Variants in AHCYL2 observed in about 807,000 individuals in gnomAD.
The protein encoded by AHCYL2 is adenosylhomocysteinase like 2, also known as S-adenosylhomocysteine hydrolase-like protein 2.
A neutral mutation model predicts 81.4 loss-of-function variants in AHCYL2; 28 were observed. The ratio of observed to expected loss-of-function variants is 0.34; its 90% CI spans 0.25 to 0.47. The LOEUF is 0.47. Among genes scored for constraint, AHCYL2 ranks in the 20% least tolerant of loss-of-function variants. AHCYL2 has a pLI of 1.00. For missense variants in AHCYL2, 551 were observed against 785.1 expected (o/e 0.70, Z 3.56); for synonymous variants, 272 against 290.2 (o/e 0.94, Z 0.64).
intron 1 of AHCYL2, among the ~76,000 whole-genome samples, chr7:129,327,836 C>T (rs987854006): frequency 3.3e-5 from 5 of 152,094 alleles, no homozygotes; most frequent in African/African-American, 1.2e-4. Flanking sequence ...CTCTGTCACC[C>T]AGGCTGTAGT....
At chr7:129,401,772 G>T (rs148763950) in intron 6 of AHCYL2, among the ~76,000 whole-genome samples, 11 of 152,324 alleles carry the variant, frequency 7.2e-5, no homozygotes, top group South Asian at 2.1e-4. Flanking sequence ...GGAACCCAGG[G>T]AGGACATTAG....
At chr7:129,398,348 AATTTTTATTTTTT>A (rs1236506679) in intron 5 of AHCYL2, among the ~76,000 whole-genome samples, 3 of 147,770 alleles carry the variant, frequency 2.0e-5, no homozygotes, top group Admixed American at 6.7e-5. Context: ...AATTTAATTT[AATTTTTATTTTTT>A]ATTTTTATTT....
chr7:129,330,616 G>A (rs774595259), intron 1 of AHCYL2, among the ~76,000 whole-genome samples: 2 of 152,048 alleles, frequency 1.3e-5, no homozygotes, highest in East Asian at 1.9e-4. Context: ...GACTACAGGC[G>A]CCCACCACCA....
At chr7:129,376,209 G>A (rs1794680940) in intron 1 of AHCYL2, among the ~76,000 whole-genome samples, 1 of 152,098 alleles carries the variant, frequency 6.6e-6, no homozygotes, top group Non-Finnish European at 1.5e-5. Flanking sequence ...CCACAATTGG[G>A]GTGGGCAGAT....
chr7:129,265,774 C>T (rs534346629), intron 1 of AHCYL2, among the ~76,000 whole-genome samples: 2 of 152,226 alleles, frequency 1.3e-5, no homozygotes, highest in African/African-American at 4.8e-5. Context: ...TTGAAAAGAT[C>T]GCTCTGGCTG....
intron 12 of AHCYL2, among the ~76,000 whole-genome samples, chr7:129,422,236 T>G (rs1797149792): frequency 1.3e-5 from 2 of 152,230 alleles, no homozygotes; most frequent in African/African-American, 4.8e-5. Flanking sequence ...TACCTCACAT[T>G]TGCACTTAGG....
intron 1 of AHCYL2, among the ~76,000 whole-genome samples, chr7:129,245,977 A>G (rs765374920): frequency 5.3e-5 from 8 of 152,196 alleles, no homozygotes; most frequent in Non-Finnish European, 8.8e-5. Context: ...ATCAGTGTAC[A>G]AGGATTCTAA....
chr7:129,230,116 G>A (rs894127177), intron 1 of AHCYL2, among the ~76,000 whole-genome samples: 37 of 120,920 alleles, frequency 3.1e-4, no homozygotes, highest in African/African-American at 1.1e-3. Context: ...ACCAAGTCTC[G>A]CTCTGTCACC....
At chr7:129,389,771 T>G in intron 4 of AHCYL2, 37 bp downstream of exon 4, 1 of 1,549,386 alleles carries the variant, frequency 6.5e-7, no homozygotes, top group Non-Finnish European at 8.8e-7. Flanking sequence ...ATTACAATAG[T>G]TAATAATAGC....
At chr7:129,279,180 G>A (rs866784104) in intron 1 of AHCYL2, among the ~76,000 whole-genome samples, 2 of 151,738 alleles carry the variant, frequency 1.3e-5, no homozygotes, top group Admixed American at 6.6e-5. Flanking sequence ...GAATCTTTTG[G>A]CCATGAATGG....
At chr7:129,425,764 T>G (rs1009820041) in intron 15 of AHCYL2, among the ~76,000 whole-genome samples, 2 of 152,246 alleles carry the variant, frequency 1.3e-5, no homozygotes, top group Non-Finnish European at 2.9e-5. Flanking sequence ...TTGTTTTGCC[T>G]TAGCACTAGG....
intron 1 of AHCYL2, chr7:129,375,958 C>A (rs145067276): frequency 0.01 from 15,464 of 1,535,832 alleles, 93 homozygotes; most frequent in Non-Finnish European, 0.011. Context: ...CCAGTCTTGC[C>A]GCTGCTATAG....
intron 1 of AHCYL2, among the ~76,000 whole-genome samples, chr7:129,242,329 C>CT (rs768756801): frequency 0.015 from 2,157 of 141,962 alleles, 52 homozygotes; most frequent in African/African-American, 0.045. Flanking sequence ...CAAGCCTGGC[C>CT]TTTTTTTTTT....
At chr7:129,321,929 C>T (rs1449037126) in intron 1 of AHCYL2, among the ~76,000 whole-genome samples, 1 of 151,802 alleles carries the variant, frequency 6.6e-6, no homozygotes, top group African/African-American at 2.4e-5. Flanking sequence ...GCACATGCCA[C>T]CATGCCCACC....
intron 5 of AHCYL2, among the ~76,000 whole-genome samples, chr7:129,398,721 A>G (rs151199523): frequency 2.0e-5 from 3 of 152,136 alleles, no homozygotes; most frequent in Non-Finnish European, 4.4e-5. Context: ...GACCTACGCT[A>G]AGAGCTGTAA....
chr7:129,277,202 TG>T (rs540403819), intron 1 of AHCYL2, among the ~76,000 whole-genome samples: 89 of 152,142 alleles, frequency 5.8e-4, no homozygotes, highest in African/African-American at 2.0e-3. Context: ...TGGAAAGTTT[TG>T]ACACATGTCT....
At chr7:129,308,656 C>G (rs1304578230) in intron 1 of AHCYL2, among the ~76,000 whole-genome samples, 1 of 152,154 alleles carries the variant, frequency 6.6e-6, no homozygotes, top group Non-Finnish European at 1.5e-5. Flanking sequence ...TACTCCATGT[C>G]TTCTCAGGAG....
chr7:129,240,321 C>T (rs1460710797), intron 1 of AHCYL2, among the ~76,000 whole-genome samples: 1 of 151,782 alleles, frequency 6.6e-6, no homozygotes, highest in African/African-American at 2.4e-5. Context: ...CACCCACACA[C>T]AAAAACACGG....
chr7:129,311,981 C>CT (rs375063761), intron 1 of AHCYL2, among the ~76,000 whole-genome samples: 2 of 152,160 alleles, frequency 1.3e-5, no homozygotes, highest in South Asian at 4.2e-4. Flanking sequence ...CTGCTACACT[C>CT]TTTTTTTTCT....
Sources: gnomAD v4.1 joint callset for allele counts (sites outside exome capture counted in the v4.1 genomes callset) on GRCh38, gnomAD v4.1.1 for gene constraint, MANE v1.5 for transcripts, NCBI Gene and HGNC (gene_info 2026-07-23, HGNC 2026-07-21) for gene names.